The following CBFB variants were observed in gnomAD, a reference collection of about 807,000 sequenced individuals.
CBFB encodes the protein CBF-beta.
In CBFB, 9 loss-of-function variants were observed where a neutral mutation model predicts 30.4. The ratio of observed to expected loss-of-function variants is 0.30; its 90% CI spans 0.18 to 0.52. The LOEUF (loss-of-function observed/expected upper bound fraction) is 0.52. Among genes scored for constraint, CBFB ranks in the 20% least tolerant of loss-of-function variants. The pLI is 0.97. For missense variants in CBFB, 170 were observed against 244.0 expected, an observed-to-expected ratio of 0.70 and a Z score of 2.02; for synonymous variants, 94 against 84.0, an observed-to-expected ratio of 1.12 and a Z score of -0.65.
In CBFB at chr16:67,058,040, T is replaced by A. The variant is rs1960780520; in HGVS notation, c.283-8642T>A. On this transcript the variant is annotated intron_variant, in intron 3 of 5. Transcript: ENST00000412916. ...TATTTTGATATTTCAGATATTTCAT[T>A]GGAATTTTGTTGAAGATTACTTTGG... is the stretch of plus-strand genomic sequence containing the variant. Among the ~76,000 whole-genome samples the A allele has an allele frequency of 2.6e-5, 4 of 152,230 alleles. No individual in the cohort carries two copies. The South Asian group carries it at 8.3e-4, about 31-fold the overall frequency.
At chr16:67,029,837 G>T in intron 2 of CBFB, 24 bp downstream of exon 2, 2 of 1,557,958 alleles carry the variant, frequency 1.3e-6, no homozygotes, top group Non-Finnish European at 1.7e-6. Context: ...CCCGGGGCGC[G>T]CGCGGGTCAC....
intron 5 of CBFB, among the ~76,000 whole-genome samples, chr16:67,084,482 T>C (rs1024030188): frequency 6.6e-6 from 1 of 152,204 alleles, no homozygotes; most frequent in Non-Finnish European, 1.5e-5. Flanking sequence ...GACAGTAGAA[T>C]AGTGGTTGCC....
At position 67,032,862 on chromosome 16, in the gene CBFB, G is replaced by A. The variant is rs143311161; in HGVS notation, c.165+3049G>A. 4.9e-3 allele frequency among the ~76,000 whole-genome samples: 741 copies of A among 152,214 alleles called. 7 individuals are homozygous for A. The highest frequency in any genetic ancestry group is 0.044 in the Middle Eastern group (13 of 294). On this transcript the variant is annotated intron_variant, in intron 2 of 5. Coordinates refer to ENST00000412916, the MANE Select transcript of CBFB (RefSeq NM_022845.3). ...GCCCCAGTTGTCCTCTTCTTATTTG[G>A]AACATCTTCTTGATGTATCAGTGAG...
intron 4 of CBFB, among the ~76,000 whole-genome samples, chr16:67,081,293 A>G (rs1384455708): frequency 6.6e-6 from 1 of 151,966 alleles, no homozygotes; most frequent in Non-Finnish European, 1.5e-5. Flanking sequence ...CCATGTCCCT[A>G]CAAAGGACAT....
chr16:67,035,863 G>T (rs1966432661), intron 2 of CBFB, among the ~76,000 whole-genome samples: 1 of 151,964 alleles, frequency 6.6e-6, no homozygotes, highest in African/African-American at 2.4e-5. Context: ...TAATGTCTTT[G>T]TTTTTTGCCT....
At chr16:67,090,115 AGGCTACCAG>A (rs1393752428) in intron 5 of CBFB, among the ~76,000 whole-genome samples, 1 of 152,122 alleles carries the variant, frequency 6.6e-6, no homozygotes, top group Non-Finnish European at 1.5e-5. Context: ...GCTCTGTTGG[AGGCTACCAG>A]TTACTGTGGG....
chr16:67,054,983 T>C (rs1452130882), intron 3 of CBFB, among the ~76,000 whole-genome samples: 1 of 151,856 alleles, frequency 6.6e-6, no homozygotes, highest in African/African-American at 2.4e-5. Context: ...CTCTTTTTTG[T>C]GTGTGCTACA....
rs1334666202 is a variant in CBFB, at chr16:67,066,746, T to C, written c.347T>C (p.Leu116Pro). The change falls in exon 4 of 6, where the codon CTC (leucine) becomes CCC (proline). Residue 116 changes from leucine to proline, a missense_variant. Physicochemically the swap from Leu to Pro is moderately conservative, Grantham distance 98. Coordinates refer to ENST00000412916, the MANE Select transcript of CBFB (RefSeq NM_022845.3). ...GTTATCTGGAAAGGCTGGATTGATC[T>C]CCAAAGACTGGATGGTATGGGCTGT... ...VCVIWKGWID[L>P]QRLDGMGCLE... 6.2e-7 allele frequency: 1 copy of C among 1,610,786 alleles called. No homozygotes were observed. Among genetic ancestry groups the C allele is most frequent in the Non-Finnish European group, 8.5e-7 (1 of 1,179,054 alleles).
At chr16:67,090,156 G>C (rs1015264633) in intron 5 of CBFB, among the ~76,000 whole-genome samples, 2 of 152,158 alleles carry the variant, frequency 1.3e-5, no homozygotes, top group Admixed American at 1.3e-4. Flanking sequence ...GACTAGAAGT[G>C]GGTATGAAGA....
intron 3 of CBFB, among the ~76,000 whole-genome samples, chr16:67,064,310 G>T (rs189935533): frequency 6.6e-6 from 1 of 152,226 alleles, no homozygotes; most frequent in East Asian, 1.9e-4. Context: ...GGGTTCAAGC[G>T]ATTCTCCTGT....
intron 5 of CBFB, among the ~76,000 whole-genome samples, chr16:67,084,165 C>CAAAAAAAAAAA (rs368748767): frequency 9.2e-5 from 5 of 54,320 alleles, no homozygotes; most frequent in African/African-American, 3.0e-4. Context: ...GACCCTACCT[C>CAAAAAAAAAAA]AAAAAAAAAA....
rs1371008569 is a variant in CBFB, at chr16:67,100,547, CCT to C, written c.*1770_*1771del. On this transcript the variant is annotated 3_prime_UTR_variant, in exon 6 of 6. Transcript: ENST00000412916. Reference sequence around the variant, plus strand: ...TTACACACTCAGTGCCCTAATTTCCCCTGAGGGAATCGCTTTTTAAGTGATCC... The same window carrying C: ...TTACACACTCAGTGCCCTAATTTCCCGAGGGAATCGCTTTTTAAGTGATCC... The C allele has an allele frequency of 1.3e-5, 3 of 227,566 alleles. No individual in the cohort carries two copies. The highest frequency in any genetic ancestry group is 4.4e-5 in the African/African-American group (2 of 44,994). The allele number at this position is 227,566 out of a possible 1,614,324, so 14.1% of individuals were successfully genotyped here.
chr16:67,066,433 G>A (rs979011964), intron 3 of CBFB, among the ~76,000 whole-genome samples: 3 of 147,842 alleles, frequency 2.0e-5, no homozygotes, highest in African/African-American at 5.2e-5. Flanking sequence ...GATGGTGAGC[G>A]CCTGTAATCC....
At position 67,094,897 on chromosome 16, in the gene CBFB, A is replaced by G. The variant is rs531000195; in HGVS notation, c.496-3813A>G. ...TCCATTCTGCTAACAAAAGCAGTTA[A>G]AACATGCTAGAGAAATATATCAGAA... On this transcript the variant is annotated intron_variant, in intron 5 of 5. Transcript: ENST00000412916. 5.3e-5 allele frequency among the ~76,000 whole-genome samples: 8 copies of G among 152,296 alleles called. No individual in the cohort carries two copies. The East Asian group carries it at 1.5e-3, about 29-fold the overall frequency.
intron 3 of CBFB, among the ~76,000 whole-genome samples, chr16:67,058,511 G>A (rs906296753): frequency 1.3e-5 from 2 of 152,082 alleles, no homozygotes. Context: ...TGCTATTGTA[G>A]TGCTGGAATC....
intron 5 of CBFB, among the ~76,000 whole-genome samples, chr16:67,087,702 G>A (rs185647270): frequency 4.9e-4 from 75 of 152,308 alleles, no homozygotes; most frequent in Admixed American, 7.2e-4. Context: ...TTGTTGCTCA[G>A]ATAGATTGTT....
intron 5 of CBFB, among the ~76,000 whole-genome samples, chr16:67,090,922 G>A (rs1431236669): frequency 2.0e-5 from 3 of 151,994 alleles, no homozygotes. Context: ...ATTCTGTGTG[G>A]TCCAAGAAAA....
Position 67,050,991 on chromosome 16 carries a change from C to T in CBFB, c.282+14236C>T, listed in dbSNP as rs554288924. Among the ~76,000 whole-genome samples the T allele has an allele frequency of 2.6e-5, 4 of 152,240 alleles. No homozygotes were observed. In the South Asian group the frequency reaches 8.3e-4, roughly 32 times the overall value. On this transcript the variant is annotated intron_variant, in intron 3 of 5. Coordinates refer to ENST00000412916, the MANE Select transcript of CBFB (RefSeq NM_022845.3). Reference sequence around the variant, plus strand: ...TTCACCTCTCTGGAGAGAAGGAGTGCAATTTAAAACTTATGAATTGTTTAT... The same window carrying T: ...TTCACCTCTCTGGAGAGAAGGAGTGTAATTTAAAACTTATGAATTGTTTAT...
intron 3 of CBFB, among the ~76,000 whole-genome samples, chr16:67,065,662 G>A (rs551488226): frequency 3.3e-5 from 5 of 152,234 alleles, no homozygotes; most frequent in African/African-American, 4.8e-5. Flanking sequence ...ACAGGCATTA[G>A]CCACTGGTGC....
Sources: allele counts gnomAD v4.1 joint callset (sites outside exome capture counted in the v4.1 genomes callset), GRCh38; gene constraint gnomAD v4.1.1; transcripts MANE v1.5; gene names NCBI Gene and HGNC (gene_info 2026-07-23, HGNC 2026-07-21).